Variants in GRM8 observed in about 807,000 individuals in gnomAD.
GRM8 encodes the protein metabotropic glutamate receptor 8.
GRM8 carries 47 observed loss-of-function variants against 87.2 expected under a neutral mutation model. That is an observed-to-expected ratio of 0.54 (90% confidence interval 0.43 to 0.69). The LOEUF (loss-of-function observed/expected upper bound fraction) is 0.69. GRM8 is among the 30% of genes least tolerant of loss of function. The probability of loss-of-function intolerance (pLI) is 0.00; values close to 1 mark genes in which losing one functional copy is unlikely to be tolerated. For missense variants in GRM8, 1,019 were observed against 1,139.2 expected, an observed-to-expected ratio of 0.89 and a Z score of 1.52; for synonymous variants, 396 against 404.5, an observed-to-expected ratio of 0.98 and a Z score of 0.25.
chr7:126,882,252 T>A (rs1800089111), intron 6 of GRM8, among the ~76,000 whole-genome samples: 1 of 152,178 alleles, frequency 6.6e-6, no homozygotes, highest in Admixed American at 6.5e-5. Context: ...GCATCTGACA[T>A]TTTTTAATGT....
chr7:126,923,727 T>A lies in GRM8; in HGVS notation c.728-19044A>T, dbSNP rs76590789. The stretch of plus-strand genomic sequence containing the variant: ...GCTATGAAGTATGCGAGTTTATAAC[T>A]TTGGTAGGTGTTCAGTAGTGTTTCA... On this transcript the variant is annotated intron_variant, in intron 3 of 10. Coordinates refer to ENST00000339582, the MANE Select transcript of GRM8 (RefSeq NM_000845.3). 3.9e-3 allele frequency among the ~76,000 whole-genome samples: 595 copies of A among 152,200 alleles called. 13 individuals carry two copies. In the East Asian group the frequency reaches 0.059, roughly 15 times the overall value.
At chr7:126,579,685 A>G (rs1353126803) in intron 8 of GRM8, among the ~76,000 whole-genome samples, 1 of 152,216 alleles carries the variant, frequency 6.6e-6, no homozygotes, top group Non-Finnish European at 1.5e-5. Flanking sequence ...AGATCGCACC[A>G]GGAGTGTCCA....
At chr7:127,157,207 A>G (rs1422250910) in intron 2 of GRM8, among the ~76,000 whole-genome samples, 2 of 151,380 alleles carry the variant, frequency 1.3e-5, no homozygotes, top group African/African-American at 4.9e-5. Flanking sequence ...AGAACAAATA[A>G]GAAAGAGGAG....
chr7:127,170,026 A>G (rs1257606739), intron 2 of GRM8, among the ~76,000 whole-genome samples: 1 of 152,198 alleles, frequency 6.6e-6, no homozygotes, highest in African/African-American at 2.4e-5. Flanking sequence ...TCAAGGAATA[A>G]TTTCAATTTT....
At chr7:126,693,704 T>C (rs2151378044) in intron 7 of GRM8, among the ~76,000 whole-genome samples, 1 of 152,250 alleles carries the variant, frequency 6.6e-6, no homozygotes, top group Admixed American at 6.5e-5. Context: ...AAGAAAATAT[T>C]TTGCCGAATT....
intron 6 of GRM8, among the ~76,000 whole-genome samples, chr7:126,883,177 T>C (rs557971086): frequency 2.0e-4 from 31 of 152,314 alleles, no homozygotes; most frequent in African/African-American, 7.2e-4. Flanking sequence ...ATGTAACTAA[T>C]TTAGGTGTTT....
intron 2 of GRM8, among the ~76,000 whole-genome samples, chr7:127,206,792 A>C (rs1795938476): frequency 6.6e-6 from 1 of 152,212 alleles, no homozygotes; most frequent in African/African-American, 2.4e-5. Flanking sequence ...AAAAACACTA[A>C]AGAGATTGTC....
At chr7:126,684,122 G>T (rs10279616) in intron 7 of GRM8, among the ~76,000 whole-genome samples, 18,174 of 152,104 alleles carry the variant, frequency 0.12, 1,631 homozygotes, top group East Asian at 0.33. Flanking sequence ...ATAAATGGAA[G>T]GAAGAACGTG....
intron 7 of GRM8, among the ~76,000 whole-genome samples, chr7:126,707,709 T>A (rs759865238): frequency 6.6e-6 from 1 of 152,260 alleles, no homozygotes; most frequent in Non-Finnish European, 1.5e-5. Context: ...GAGAAAGACA[T>A]TTGCCCTTTA....
intron 6 of GRM8, among the ~76,000 whole-genome samples, chr7:126,824,316 T>C (rs1017274242): frequency 3.3e-5 from 5 of 152,130 alleles, no homozygotes; most frequent in African/African-American, 1.2e-4. Context: ...AAAGTATATA[T>C]TTTTATGTAT....
intron 3 of GRM8, among the ~76,000 whole-genome samples, chr7:126,985,818 C>A (rs28951078): frequency 6.6e-6 from 1 of 152,182 alleles, no homozygotes; most frequent in South Asian, 2.1e-4. Context: ...ACTATCCAAT[C>A]ACATCTTAAA....
At chr7:126,823,514 C>T (rs1159553512) in intron 6 of GRM8, among the ~76,000 whole-genome samples, 1 of 152,006 alleles carries the variant, frequency 6.6e-6, no homozygotes, top group Non-Finnish European at 1.5e-5. Context: ...GTGACCCTGT[C>T]TAAGATAAAT....
intron 7 of GRM8, among the ~76,000 whole-genome samples, chr7:126,629,191 C>T (rs1467359009): frequency 6.6e-6 from 1 of 152,138 alleles, no homozygotes; most frequent in Non-Finnish European, 1.5e-5. Flanking sequence ...TACAGAATTG[C>T]CTTTACCCAA....
intron 3 of GRM8, among the ~76,000 whole-genome samples, chr7:127,051,825 G>A (rs1026221507): frequency 6.8e-6 from 1 of 147,854 alleles, no homozygotes; most frequent in African/African-American, 2.5e-5. Flanking sequence ...ATAACATGCT[G>A]AACAATACTG....
intron 6 of GRM8, among the ~76,000 whole-genome samples, chr7:126,805,354 T>C (rs1032637152): frequency 5.3e-5 from 8 of 152,174 alleles, no homozygotes; most frequent in Non-Finnish European, 8.8e-5. Flanking sequence ...ATTTAACATG[T>C]ATGTATTTGT....
At chr7:126,495,234 T>C (rs1305310236) in intron 9 of GRM8, among the ~76,000 whole-genome samples, 1 of 151,936 alleles carries the variant, frequency 6.6e-6, no homozygotes, top group Non-Finnish European at 1.5e-5. Context: ...GGTCAGTTAA[T>C]GGAAAATTTT....
chr7:126,778,948 A>G (rs1819770649), intron 6 of GRM8, among the ~76,000 whole-genome samples: 1 of 152,156 alleles, frequency 6.6e-6, no homozygotes, highest in South Asian at 2.1e-4. Flanking sequence ...CAGCTTAATG[A>G]CCATTTGTAT....
intron 2 of GRM8, among the ~76,000 whole-genome samples, chr7:127,195,444 G>T (rs1327023476): frequency 6.6e-6 from 1 of 152,100 alleles, no homozygotes; most frequent in Non-Finnish European, 1.5e-5. Context: ...TTAGAGCTCA[G>T]AATGAACAAA....
chr7:126,768,381 A>AAAAAAAAT (rs1818443964), intron 7 of GRM8, among the ~76,000 whole-genome samples: 20 of 148,530 alleles, frequency 1.3e-4, no homozygotes, highest in East Asian at 2.0e-4. Flanking sequence ...AAAAAAAAAA[A>AAAAAAAAT]GTGGACAGAA....
Sources: gnomAD v4.1 joint callset for allele counts (sites outside exome capture counted in the v4.1 genomes callset) on GRCh38, gnomAD v4.1.1 for gene constraint, MANE v1.5 for transcripts, NCBI Gene and HGNC (gene_info 2026-07-23, HGNC 2026-07-21) for gene names.